Variants in SPIDR observed in about 807,000 individuals in gnomAD.
SPIDR encodes the protein scaffold protein involved in DNA repair.
A neutral mutation model predicts 104.6 loss-of-function variants in SPIDR; 93 were observed. That is an observed-to-expected ratio of 0.89 (90% CI 0.75 to 1.06). SPIDR has a LOEUF of 1.06. SPIDR is among the 50% of genes least tolerant of loss of function. The probability of loss-of-function intolerance (pLI) is 0.00; values close to 1 mark genes in which losing one functional copy is unlikely to be tolerated. For synonymous variants in SPIDR, 431 were observed against 416.9 expected (o/e 1.03, Z -0.41); for missense variants, 1,154 against 1,111.2 (o/e 1.04, Z -0.55).
At chr8:47,378,042 C>T (rs998633376) in intron 5 of SPIDR, among the ~76,000 whole-genome samples, 37 of 152,164 alleles carry the variant, frequency 2.4e-4, no homozygotes, top group African/African-American at 8.9e-4. Context: ...GGTAAAGTTA[C>T]ACCAAGATAA....
chr8:47,383,563 C>T (rs1460585384), intron 5 of SPIDR, among the ~76,000 whole-genome samples: 2 of 152,122 alleles, frequency 1.3e-5, no homozygotes, highest in Non-Finnish European at 2.9e-5. Flanking sequence ...ACCACTGACC[C>T]CCAGACTCCA....
chr8:47,686,572 T>C (rs1262404636), intron 11 of SPIDR, among the ~76,000 whole-genome samples: 1 of 152,208 alleles, frequency 6.6e-6, no homozygotes, highest in Non-Finnish European at 1.5e-5. Flanking sequence ...ATTTTTTAGA[T>C]AAGACCCTGA....
intron 10 of SPIDR, among the ~76,000 whole-genome samples, chr8:47,648,183 G>A (rs537607448): frequency 6.6e-6 from 1 of 152,312 alleles, no homozygotes; most frequent in South Asian, 2.1e-4. Flanking sequence ...ATATCCAAGA[G>A]GTAGAAAGTT....
chr8:47,627,536 A>G (rs923298802), intron 10 of SPIDR, among the ~76,000 whole-genome samples: 1 of 152,214 alleles, frequency 6.6e-6, no homozygotes, highest in Non-Finnish European at 1.5e-5. Flanking sequence ...ACGAAAACCA[A>G]AGTACCCTAA....
At chr8:47,437,306 A>G (rs2068522415) in intron 7 of SPIDR, among the ~76,000 whole-genome samples, 1 of 137,404 alleles carries the variant, frequency 7.3e-6, no homozygotes, top group South Asian at 2.2e-4. Flanking sequence ...ATGTGATCTC[A>G]TCGTTCAATT....
At chr8:47,293,738 G>A in intron 4 of SPIDR, 129 bp from the exon 5 acceptor site, 1 of 1,041,924 alleles carries the variant, frequency 9.6e-7, no homozygotes, top group Non-Finnish European at 1.3e-6. Context: ...ATGAGCTATT[G>A]TGCCTGGCCC....
chr8:47,335,932 T>C (rs1224381632), intron 5 of SPIDR, among the ~76,000 whole-genome samples: 3 of 152,212 alleles, frequency 2.0e-5, no homozygotes, highest in Admixed American at 1.3e-4. Context: ...TTTTTTTTTT[T>C]TAATTCTGCA....
intron 5 of SPIDR, among the ~76,000 whole-genome samples, chr8:47,378,663 C>T (rs947179347): frequency 5.9e-5 from 9 of 152,132 alleles, no homozygotes; most frequent in South Asian, 2.1e-4. Context: ...TGTCAGTTTA[C>T]CTCATTTGTC....
At chr8:47,685,513 A>ATTTTTTTTTTT (rs376980650) in intron 11 of SPIDR, among the ~76,000 whole-genome samples, 16 of 121,044 alleles carry the variant, frequency 1.3e-4, no homozygotes, top group East Asian at 2.7e-4. Flanking sequence ...TTATTTATTT[A>ATTTTTTTTTTT]TTTATTTTTT....
At chr8:47,608,616 A>T (rs546972181) in intron 10 of SPIDR, among the ~76,000 whole-genome samples, 1 of 152,150 alleles carries the variant, frequency 6.6e-6, no homozygotes, top group Non-Finnish European at 1.5e-5. Context: ...AAAATTTGTT[A>T]TTGTTGTCTT....
intron 11 of SPIDR, among the ~76,000 whole-genome samples, chr8:47,694,015 T>A (rs1378988625): frequency 2.0e-5 from 3 of 152,120 alleles, no homozygotes; most frequent in African/African-American, 7.2e-5. Context: ...ACTTCCTCAG[T>A]CTCCACAGGT....
intron 8 of SPIDR, among the ~76,000 whole-genome samples, chr8:47,505,900 GCC>G (rs1470244038): frequency 6.6e-6 from 1 of 152,152 alleles, no homozygotes; most frequent in Non-Finnish European, 1.5e-5. Context: ...AGTATACTTA[GCC>G]TATATCTTGG....
chr8:47,662,073 C>T (rs1295732650), intron 10 of SPIDR, among the ~76,000 whole-genome samples: 1 of 152,218 alleles, frequency 6.6e-6, no homozygotes, highest in Non-Finnish European at 1.5e-5. Context: ...CTCTCCACAC[C>T]TACTCACCTC....
At chr8:47,277,311 GTTTGTTATGT>G (rs1232146988) in intron 1 of SPIDR, among the ~76,000 whole-genome samples, 1,413 of 128,384 alleles carry the variant, frequency 0.011, 16 homozygotes, top group Non-Finnish European at 0.016. Context: ...TTTATGTTAT[GTTTGTTATGT>G]TATGTTATGT....
intron 10 of SPIDR, among the ~76,000 whole-genome samples, chr8:47,655,683 C>A (rs1200783333): frequency 6.6e-6 from 1 of 152,140 alleles, no homozygotes; most frequent in Non-Finnish European, 1.5e-5. Context: ...GTTGCCTGTT[C>A]ACTGTGATGG....
At chr8:47,391,876 G>C (rs1363488677) in intron 5 of SPIDR, among the ~76,000 whole-genome samples, 1 of 151,130 alleles carries the variant, frequency 6.6e-6, no homozygotes, top group Non-Finnish European at 1.5e-5. Flanking sequence ...GGCGCCTGTA[G>C]TCCCAGCTAC....
At chr8:47,624,114 A>C (rs1471085732) in intron 10 of SPIDR, among the ~76,000 whole-genome samples, 1 of 152,228 alleles carries the variant, frequency 6.6e-6, no homozygotes, top group South Asian at 2.1e-4. Flanking sequence ...ATGGAAACTG[A>C]ACAACCTGCT....
chr8:47,340,485 T>G (rs570437785), intron 5 of SPIDR, among the ~76,000 whole-genome samples: 2 of 152,158 alleles, frequency 1.3e-5, no homozygotes, highest in Middle Eastern at 3.4e-3. Flanking sequence ...CCCTGTAGTC[T>G]CAGCTACTCA....
At chr8:47,568,384 C>T (rs1022697729) in intron 8 of SPIDR, among the ~76,000 whole-genome samples, 3 of 152,148 alleles carry the variant, frequency 2.0e-5, no homozygotes, top group African/African-American at 7.2e-5. Flanking sequence ...GGAATGGTAT[C>T]AGGGTAGATG....
Sources: allele counts gnomAD v4.1 joint callset (sites outside exome capture counted in the v4.1 genomes callset), GRCh38; gene constraint gnomAD v4.1.1; transcripts MANE v1.5; gene names NCBI Gene and HGNC (gene_info 2026-07-23, HGNC 2026-07-21).